BRWD3: variants seen among roughly 807,000 people sequenced by gnomAD.
BRWD3 encodes the protein bromodomain and WD repeat-containing protein 3.
Under a neutral mutation model 149.7 loss-of-function variants are expected in BRWD3, and 10 were observed. The ratio of observed to expected loss-of-function variants is 0.07; its 90% CI spans 0.04 to 0.11. The LOEUF (loss-of-function observed/expected upper bound fraction) is 0.11. Ranked by LOEUF, BRWD3 falls within the 10% of genes least tolerant of loss-of-function variation. BRWD3 has a pLI of 1.00. For missense variants in BRWD3, 940 were observed against 1,373.2 expected, an observed-to-expected ratio of 0.68 and a Z score of 4.99; for synonymous variants, 504 against 456.7, an observed-to-expected ratio of 1.10 and a Z score of -1.32.
chrX:80,713,674 C>T (rs749542343), intron 20 of BRWD3, among the ~76,000 whole-genome samples: 25 of 109,265 alleles, frequency 2.3e-4, no homozygotes, highest in African/African-American at 7.7e-4. Flanking sequence ...GAGAGACACC[C>T]AAGAATGATC....
chrX:80,808,301 C>A (rs917209215), intron 4 of BRWD3, among the ~76,000 whole-genome samples: 4 of 109,351 alleles, frequency 3.7e-5, no homozygotes, highest in African/African-American at 1.3e-4. Context: ...CACAACACGG[C>A]ACCTCTGATA....
intron 6 of BRWD3, among the ~76,000 whole-genome samples, chrX:80,783,765 T>C (rs1199889091): frequency 1.8e-5 from 2 of 111,669 alleles, no homozygotes; most frequent in African/African-American, 3.3e-5. Context: ...GATCCTGTCA[T>C]TTATAACAAC....
At chrX:80,785,189 A>AT (rs1201507129) in intron 6 of BRWD3, among the ~76,000 whole-genome samples, 2 of 112,227 alleles carry the variant, frequency 1.8e-5, no homozygotes, top group Non-Finnish European at 3.8e-5. Context: ...ATGCCTCAGA[A>AT]TTTCCTTGAG....
intron 8 of BRWD3, among the ~76,000 whole-genome samples, chrX:80,737,363 G>A (rs746327219): frequency 8.9e-6 from 1 of 111,800 alleles, no homozygotes; most frequent in Admixed American, 9.5e-5. Context: ...GTAATTTGTT[G>A]TTATACTATA....
chrX:80,718,886 G>A (rs1408115904), intron 18 of BRWD3, among the ~76,000 whole-genome samples: 1 of 111,373 alleles, frequency 9.0e-6, no homozygotes, highest in Non-Finnish European at 1.9e-5. Flanking sequence ...GCCCTGGCAC[G>A]TTTAATGTAA....
intron 19 of BRWD3, 138 bp from the exon 20 acceptor site, chrX:80,716,388 T>C: frequency 4.0e-6 from 2 of 503,212 alleles, no homozygotes; most frequent in Non-Finnish European, 6.7e-6. Flanking sequence ...GTGGCATCAA[T>C]TACATTCAGA....
intron 37 of BRWD3, among the ~76,000 whole-genome samples, chrX:80,683,281 G>T (rs1421542289): frequency 8.1e-5 from 9 of 111,500 alleles, no homozygotes; most frequent in Non-Finnish European, 1.9e-5. Context: ...AGAAAATCCT[G>T]GAAGTAAACA....
At chrX:80,769,310 C>T (rs1294452023) in intron 6 of BRWD3, among the ~76,000 whole-genome samples, 1 of 111,785 alleles carries the variant, frequency 8.9e-6, no homozygotes, top group Non-Finnish European at 1.9e-5. Context: ...CACCACAACA[C>T]ACCTATTCCA....
Position 80,717,724 on chromosome X carries a change from G to C in BRWD3, c.2080C>G (p.Pro694Ala). 1 of 1,211,184 alleles carries C rather than the reference G, an allele frequency of 8.3e-7. No individual in the cohort carries two copies. The highest frequency in any genetic ancestry group is 1.1e-6 in the Non-Finnish European group (1 of 895,123). ...RSPNMDISSS[P>A]NIRLRRHSSQ... ...CTATGTCTTCGAAGCCTGATGTTTG[G>C]GGAAGAAGATATGTCCATGTTTGGA... The change falls in exon 19 of 41, where the codon CCA becomes GCA. Residue 694 changes from proline to alanine, a missense_variant. Transcript: ENST00000373275.
chrX:80,767,769 A>T (rs1457025937), intron 6 of BRWD3, among the ~76,000 whole-genome samples: 1 of 112,270 alleles, frequency 8.9e-6, no homozygotes. Context: ...GGTCAGTAAT[A>T]ACAAACTTCT....
At chrX:80,784,021 G>C (rs1222890804) in intron 6 of BRWD3, among the ~76,000 whole-genome samples, 1 of 110,863 alleles carries the variant, frequency 9.0e-6, no homozygotes, top group African/African-American at 3.3e-5. Context: ...AGTACAACAG[G>C]GTGATTAGAG....
At chrX:80,722,524 G>A in intron 17 of BRWD3, 38 bp downstream of exon 17, 1 of 1,159,067 alleles carries the variant, frequency 8.6e-7, no homozygotes, top group Non-Finnish European at 1.2e-6. Context: ...TATAACATTG[G>A]GCAAAATGTT....
At chrX:80,768,747 A>T (rs2073896646) in intron 6 of BRWD3, among the ~76,000 whole-genome samples, 1 of 111,306 alleles carries the variant, frequency 9.0e-6, no homozygotes, top group African/African-American at 3.3e-5. Context: ...CCTTAAATGT[A>T]AATGGGCTAA....
At chrX:80,750,673 C>G (rs1285615379) in intron 6 of BRWD3, among the ~76,000 whole-genome samples, 2 of 111,233 alleles carry the variant, frequency 1.8e-5, no homozygotes, top group Non-Finnish European at 3.8e-5. Context: ...GGAGGTTCCT[C>G]AAGAAATTGA....
chrX:80,787,446 G>C (rs1362625802), intron 6 of BRWD3, among the ~76,000 whole-genome samples: 1 of 110,790 alleles, frequency 9.0e-6, no homozygotes, highest in African/African-American at 3.3e-5. Context: ...GGAAGACTCA[G>C]ACAGCAGAGT....
chrX:80,706,672 G>A (rs984003488), intron 22 of BRWD3, among the ~76,000 whole-genome samples: 5 of 111,859 alleles, frequency 4.5e-5, no homozygotes, highest in Non-Finnish European at 7.5e-5. Flanking sequence ...GGACCTGACA[G>A]AGGCTATTTT....
intron 25 of BRWD3, among the ~76,000 whole-genome samples, chrX:80,697,608 G>A (rs1485880772): frequency 9.0e-6 from 1 of 111,316 alleles, no homozygotes. Context: ...TTTTACTTAC[G>A]ATAATGGCCT....
chrX:80,791,439 C>T (rs947787676), intron 6 of BRWD3, among the ~76,000 whole-genome samples: 1 of 111,419 alleles, frequency 9.0e-6, no homozygotes, highest in African/African-American at 3.3e-5. Flanking sequence ...AAACTGGAAC[C>T]AAGAAAGGTG....
intron 14 of BRWD3, among the ~76,000 whole-genome samples, chrX:80,728,368 T>C (rs751722494): frequency 1.7e-3 from 184 of 111,485 alleles, no homozygotes; most frequent in Non-Finnish European, 2.7e-3. Flanking sequence ...TACTTCTTCC[T>C]CTTACCCCTA....
Sources: gnomAD v4.1 joint callset for allele counts (sites outside exome capture counted in the v4.1 genomes callset) on GRCh38, gnomAD v4.1.1 for gene constraint, MANE v1.5 for transcripts, NCBI Gene and HGNC (gene_info 2026-07-23, HGNC 2026-07-21) for gene names.